Variants in STAG1 observed in about 807,000 individuals in gnomAD.
STAG1 encodes the protein cohesin subunit SA-1.
A neutral mutation model predicts 170.9 loss-of-function variants in STAG1; 26 were observed. The ratio of observed to expected loss-of-function variants is 0.15; its 90% CI spans 0.11 to 0.21. The LOEUF (loss-of-function observed/expected upper bound fraction) is 0.21, where lower values mean the gene tolerates loss of function less well. Ranked by LOEUF, STAG1 falls within the 10% of genes least tolerant of loss-of-function variation. STAG1 has a pLI of 1.00. For missense variants in STAG1, 964 were observed against 1,509.5 expected, an observed-to-expected ratio of 0.64 and a Z score of 5.99; for synonymous variants, 514 against 497.7, an observed-to-expected ratio of 1.03 and a Z score of -0.44.
chr3:136,389,810 GC>G (rs1262929472), intron 22 of STAG1, among the ~76,000 whole-genome samples: 1 of 150,440 alleles, frequency 6.6e-6, no homozygotes, highest in African/African-American at 2.4e-5. Flanking sequence ...GTGAGCCACC[GC>G]ACCTGGCCTT....
chr3:136,640,929 C>T (rs533723868), intron 1 of STAG1, among the ~76,000 whole-genome samples: 3 of 152,368 alleles, frequency 2.0e-5, no homozygotes, highest in African/African-American at 7.2e-5. Context: ...CCCGCCTTGG[C>T]CTCCCAAAGT....
rs573787024 is a variant in STAG1 at position 136,593,142 on chromosome 3, C to T, written c.297+11167G>A. ...CAATCAACATCCAAAAAGGTATGCTCACTAAAGTTCACCATGCTCTGGTCA... is the reference window on the plus strand; with the variant it reads ...CAATCAACATCCAAAAAGGTATGCTTACTAAAGTTCACCATGCTCTGGTCA... On this transcript the variant is annotated intron_variant, in intron 4 of 33. Coordinates refer to ENST00000383202, the MANE Select transcript of STAG1 (RefSeq NM_005862.3). 4.6e-5 allele frequency among the ~76,000 whole-genome samples: 7 copies of T among 152,262 alleles called. No homozygotes were observed. In the East Asian group the frequency reaches 9.6e-4, roughly 21 times the overall value.
chr3:136,574,292 T>TA, intron 4 of STAG1, among the ~76,000 whole-genome samples: 1 of 151,310 alleles, frequency 6.6e-6, no homozygotes, highest in East Asian at 2.0e-4. Context: ...ACACTTTTAA[T>TA]ATAAGAGCAG....
chr3:136,500,086 C>A, intron 9 of STAG1, 137 bp downstream of exon 9: 1 of 602,736 alleles, frequency 1.7e-6, no homozygotes. Context: ...TGTAGTGTGA[C>A]ACTGACAGCC....
chr3:136,342,260 C>A (rs1457328183), intron 30 of STAG1, among the ~76,000 whole-genome samples: 1 of 151,982 alleles, frequency 6.6e-6, no homozygotes. Flanking sequence ...ACCTTGTGAT[C>A]CACTTGCCTC....
intron 9 of STAG1, among the ~76,000 whole-genome samples, chr3:136,499,097 T>C (rs928809126): frequency 9.2e-5 from 14 of 152,350 alleles, no homozygotes; most frequent in African/African-American, 3.1e-4. Flanking sequence ...TACTGTATTT[T>C]CAATCCGTGT....
chr3:136,634,481 T>G (rs1209226205), intron 1 of STAG1, among the ~76,000 whole-genome samples: 1 of 151,810 alleles, frequency 6.6e-6, no homozygotes, highest in African/African-American at 2.4e-5. Context: ...ATCTCAAAAT[T>G]TTTTTTTAAA....
chr3:136,492,501 T>G (rs1053363636), intron 9 of STAG1, among the ~76,000 whole-genome samples: 1 of 152,190 alleles, frequency 6.6e-6, no homozygotes, highest in African/African-American at 2.4e-5. Flanking sequence ...ATGGACAGAA[T>G]TTATGCTCTC....
intron 19 of STAG1, among the ~76,000 whole-genome samples, chr3:136,421,634 T>A (rs796149663): frequency 3.9e-5 from 6 of 152,036 alleles, no homozygotes; most frequent in African/African-American, 1.4e-4. Flanking sequence ...CTTATATAGA[T>A]TGATGAGAGA....
At chr3:136,385,583 G>A (rs2086852044) in intron 22 of STAG1, among the ~76,000 whole-genome samples, 1 of 152,174 alleles carries the variant, frequency 6.6e-6, no homozygotes, top group African/African-American at 2.4e-5. Flanking sequence ...ATTGGCTAAG[G>A]TTTTTGCTTC....
intron 9 of STAG1, among the ~76,000 whole-genome samples, chr3:136,489,465 AC>A (rs2090079897): frequency 6.6e-6 from 1 of 152,172 alleles, no homozygotes; most frequent in Non-Finnish European, 1.5e-5. Context: ...AATTTCAAAA[AC>A]CATGCTTAGC....
intron 6 of STAG1, among the ~76,000 whole-genome samples, chr3:136,528,953 C>A (rs1406802224): frequency 4.7e-5 from 7 of 148,922 alleles, no homozygotes; most frequent in African/African-American, 9.9e-5. Context: ...CAAAACAAAA[C>A]AAAAAAAAAC....
At chr3:136,675,500 A>G (rs974979070) in intron 1 of STAG1, among the ~76,000 whole-genome samples, 3 of 152,198 alleles carry the variant, frequency 2.0e-5, no homozygotes, top group African/African-American at 7.2e-5. Flanking sequence ...TCTAATGCCA[A>G]ATTCAACCCT....
intron 1 of STAG1, among the ~76,000 whole-genome samples, chr3:136,667,868 G>A (rs948424823): frequency 6.6e-6 from 1 of 152,066 alleles, no homozygotes. Flanking sequence ...AAAACCACCT[G>A]GTTGTGTGTC....
At chr3:136,672,952 T>C (rs1283725530) in intron 1 of STAG1, among the ~76,000 whole-genome samples, 2 of 152,148 alleles carry the variant, frequency 1.3e-5, no homozygotes, top group African/African-American at 4.8e-5. Context: ...GAAGAACAGG[T>C]GACTCCCAAA....
chr3:136,737,048 G>A lies in STAG1; in HGVS notation c.-84+15147C>T. 9.4e-6 allele frequency: 13 copies of A among 1,381,248 alleles called. No homozygotes were observed. The South Asian group carries it at 1.4e-4, about 15-fold the overall frequency. The allele number at this position is 1,381,248 out of a possible 1,614,324, so 85.6% of individuals were successfully genotyped here. On this transcript the variant is annotated intron_variant, in intron 1 of 33. Transcript: ENST00000383202. ...TTTATTTCTTCATCTGTAACTTCAG[G>A]ATCTGAAGAACCTCAAATGGGGTGA...
At chr3:136,670,379 C>T (rs921835879) in intron 1 of STAG1, among the ~76,000 whole-genome samples, 12 of 152,224 alleles carry the variant, frequency 7.9e-5, no homozygotes, top group African/African-American at 2.9e-4. Context: ...GCATTTCCAA[C>T]AAGACCCTAA....
intron 6 of STAG1, among the ~76,000 whole-genome samples, chr3:136,536,882 T>C (rs141526872): frequency 6.2e-4 from 95 of 152,290 alleles, no homozygotes; most frequent in African/African-American, 2.2e-3. Flanking sequence ...CTCACAAAAA[T>C]ATTGTGAGAA....
At chr3:136,526,702 A>G (rs1935050900) in intron 6 of STAG1, among the ~76,000 whole-genome samples, 2 of 152,124 alleles carry the variant, frequency 1.3e-5, no homozygotes, top group Non-Finnish European at 2.9e-5. Context: ...GGTCTTTACA[A>G]TTTGGCATGT....
Sources: allele counts gnomAD v4.1 joint callset (sites outside exome capture counted in the v4.1 genomes callset), GRCh38; gene constraint gnomAD v4.1.1; transcripts MANE v1.5; gene names NCBI Gene and HGNC (gene_info 2026-07-23, HGNC 2026-07-21).